Variants in SH2D1B observed in about 807,000 individuals in gnomAD.
The protein encoded by SH2D1B is SH2 domain-containing protein 1B.
Under a neutral mutation model 16.3 loss-of-function variants are expected in SH2D1B, and 11 were observed. The ratio of observed to expected loss-of-function variants is 0.67; its 90% CI spans 0.42 to 1.11. SH2D1B has a LOEUF of 1.11. Ranked by LOEUF, SH2D1B falls within the 50% of genes most tolerant of loss-of-function variation. The pLI is 0.00. For missense variants in SH2D1B, 123 were observed against 153.1 expected (o/e 0.80, Z 1.04); for synonymous variants, 55 against 56.1 (o/e 0.98, Z 0.09).
chr1:162,407,231 G>A (rs351455), intron 1 of SH2D1B, among the ~76,000 whole-genome samples: 38,347 of 152,136 alleles, frequency 0.25, 4,985 homozygotes, highest in East Asian at 0.4. Context: ...AGAAATAAAG[G>A]GAAAGAGTAC....
intron 2 of SH2D1B, among the ~76,000 whole-genome samples, chr1:162,401,637 A>T (rs1648520304): frequency 6.6e-6 from 1 of 152,182 alleles, no homozygotes; most frequent in African/African-American, 2.4e-5. Context: ...AAAATCAGGA[A>T]ATTAACCTGG....
At chr1:162,407,673 T>TA (rs1648682414) in intron 1 of SH2D1B, among the ~76,000 whole-genome samples, 1 of 152,232 alleles carries the variant, frequency 6.6e-6, no homozygotes. Context: ...TAATTCTTGC[T>TA]TTGCTTGCAA....
At chr1:162,399,720 T>C (rs1167669030) in intron 2 of SH2D1B, among the ~76,000 whole-genome samples, 1 of 152,170 alleles carries the variant, frequency 6.6e-6, no homozygotes, top group Admixed American at 6.5e-5. Flanking sequence ...CATGTGTTCT[T>C]ATCATTCAGC....
intron 2 of SH2D1B, among the ~76,000 whole-genome samples, chr1:162,400,966 A>C (rs1648505095): frequency 6.6e-6 from 1 of 151,862 alleles, no homozygotes; most frequent in African/African-American, 2.4e-5. Context: ...ACACACATGA[A>C]TTTTCTTCCT....
chr1:162,397,667 G>A (rs761327353), intron 3 of SH2D1B, among the ~76,000 whole-genome samples: 1 of 152,188 alleles, frequency 6.6e-6, no homozygotes, highest in African/African-American at 2.4e-5. Context: ...TGAGAATTTT[G>A]GAGCCTGCTG....
In SH2D1B at chr1:162,395,525, T is replaced by C. The variant is rs2101855387; in HGVS notation, c.*1755A>G. On this transcript the variant is annotated 3_prime_UTR_variant, in exon 4 of 4. Transcript: ENST00000367929. Reference sequence around the variant, plus strand: ...ACTATCATGACTATGAACTGTTTAATGTATACAGGAGGCCCTAACCAATGG... The same window carrying C: ...ACTATCATGACTATGAACTGTTTAACGTATACAGGAGGCCCTAACCAATGG... 1 of 152,306 alleles carries C rather than the reference T, an allele frequency of 6.6e-6. No individual in the cohort carries two copies. The highest frequency in any genetic ancestry group is 2.4e-5 in the African/African-American group (1 of 41,580). The allele number at this position is 152,306 out of a possible 1,614,324, so 9.4% of individuals were successfully genotyped here.
At chr1:162,409,739 G>T (rs538093439) in intron 1 of SH2D1B, among the ~76,000 whole-genome samples, 1 of 151,822 alleles carries the variant, frequency 6.6e-6, no homozygotes, top group South Asian at 2.1e-4. Context: ...ACCATGCCTG[G>T]CTAATTTTTG....
At chr1:162,401,468 T>G (rs1306383616) in intron 2 of SH2D1B, among the ~76,000 whole-genome samples, 2 of 152,196 alleles carry the variant, frequency 1.3e-5, no homozygotes, top group Non-Finnish European at 2.9e-5. Flanking sequence ...TTATATTTGC[T>G]TTTTATTCTC....
rs1482468412 is a variant in SH2D1B at position 162,395,887 on chromosome 1, G to A, written c.*1393C>T. 3.9e-5 allele frequency: 6 copies of A among 152,158 alleles called. No homozygotes were observed. Among genetic ancestry groups the A allele is most frequent in the Non-Finnish European group, 7.3e-5 (5 of 68,034 alleles). The allele number at this position is 152,158 out of a possible 1,614,324, so 9.4% of individuals were successfully genotyped here. Reference sequence around the variant, plus strand: ...ATGCATGGGAAAACATCACAAGAACGTCAGTTCTCTCCTATTTACAAATTT... The same window carrying A: ...ATGCATGGGAAAACATCACAAGAACATCAGTTCTCTCCTATTTACAAATTT... On this transcript the variant is annotated 3_prime_UTR_variant, in exon 4 of 4. Coordinates refer to ENST00000367929, the MANE Select transcript of SH2D1B (RefSeq NM_053282.5).
chr1:162,403,514 ATATAT>A (rs1557911117), intron 1 of SH2D1B, among the ~76,000 whole-genome samples: 1,402 of 22,500 alleles, frequency 0.062, 81 homozygotes, highest in Middle Eastern at 0.1. Flanking sequence ...AAAAAAAAAT[ATATAT>A]ATATATATAT....
At chr1:162,402,287 C>A (rs554937834) in intron 2 of SH2D1B, among the ~76,000 whole-genome samples, 2 of 152,150 alleles carry the variant, frequency 1.3e-5, no homozygotes, top group African/African-American at 2.4e-5. Context: ...CTGAGGCCGG[C>A]GGATCACAAG....
At chr1:162,407,184 G>C (rs942809131) in intron 1 of SH2D1B, among the ~76,000 whole-genome samples, 3 of 152,150 alleles carry the variant, frequency 2.0e-5, no homozygotes, top group Admixed American at 6.5e-5. Flanking sequence ...TTTCAACGTA[G>C]GTTCTTTTCT....
intron 2 of SH2D1B, among the ~76,000 whole-genome samples, chr1:162,399,470 G>A (rs1273086645): frequency 1.3e-5 from 2 of 152,102 alleles, no homozygotes; most frequent in African/African-American, 4.8e-5. Context: ...GACTTCTGAT[G>A]GGAATGCAAA....
At chr1:162,398,815 G>A (rs1314855671) in intron 3 of SH2D1B, 108 bp downstream of exon 3, 12 of 1,315,216 alleles carry the variant, frequency 9.1e-6, no homozygotes, top group African/African-American at 7.4e-5. Context: ...AAGCTTTTTA[G>A]AGATAATGTC....
At chr1:162,401,524 T>C (rs1648517419) in intron 2 of SH2D1B, among the ~76,000 whole-genome samples, 1 of 152,206 alleles carries the variant, frequency 6.6e-6, no homozygotes, top group Non-Finnish European at 1.5e-5. Flanking sequence ...TATACACATA[T>C]ATATAAGCTA....
Position 162,399,052 on chromosome 1 carries a change from G to T in SH2D1B, c.234C>A (p.Ser78Arg). Residue 78 changes from serine (S) to arginine (R), a missense_variant, in exon 3 of 4, where the codon AGC becomes AGA. Ser to Arg is a moderately radical substitution (Grantham distance 110). Coordinates refer to ENST00000367929, the MANE Select transcript of SH2D1B (RefSeq NM_053282.5). ...AEGSPKQVFP[S>R]LKELISKFEK... ...CAAATTTGGAGATCAGTTCCTTTAGGCTTGGAAAGACCTGTTTTGGAGAAC... is the reference window on the plus strand; with the variant it reads ...CAAATTTGGAGATCAGTTCCTTTAGTCTTGGAAAGACCTGTTTTGGAGAAC... The T allele has an allele frequency of 6.2e-7, 1 of 1,613,628 alleles. No individual in the cohort carries two copies. Among genetic ancestry groups the T allele is most frequent in the Non-Finnish European group, 8.5e-7 (1 of 1,179,792 alleles).
At chr1:162,401,660 T>C (rs1191487923) in intron 2 of SH2D1B, among the ~76,000 whole-genome samples, 2 of 152,140 alleles carry the variant, frequency 1.3e-5, no homozygotes. Context: ...ACAGTACTAT[T>C]TGTTAATCTT....
At chr1:162,399,634 T>C (rs1648461074) in intron 2 of SH2D1B, among the ~76,000 whole-genome samples, 1 of 152,176 alleles carries the variant, frequency 6.6e-6, no homozygotes, top group South Asian at 2.1e-4. Context: ...CACTAGCTAT[T>C]CTTCCTGATC....
chr1:162,398,128 T>G (rs751190186), intron 3 of SH2D1B, among the ~76,000 whole-genome samples: 26 of 152,132 alleles, frequency 1.7e-4, no homozygotes, highest in Non-Finnish European at 3.7e-4. Flanking sequence ...CAGAGTAGAA[T>G]GGGGATGGAG....
Sources: gnomAD v4.1 joint callset for allele counts (sites outside exome capture counted in the v4.1 genomes callset) on GRCh38, gnomAD v4.1.1 for gene constraint, MANE v1.5 for transcripts, NCBI Gene and HGNC (gene_info 2026-07-23, HGNC 2026-07-21) for gene names.